ARHGAP20: variants seen among roughly 807,000 people sequenced by gnomAD.
The protein encoded by ARHGAP20 is rho GTPase-activating protein 20.
A neutral mutation model predicts 73.7 loss-of-function variants in ARHGAP20; 34 were observed. That is an observed-to-expected ratio of 0.46 (90% confidence interval 0.35 to 0.61). The LOEUF is 0.61. Among genes scored for constraint, ARHGAP20 ranks in the 20% least tolerant of loss-of-function variants. The probability of loss-of-function intolerance (pLI) is 0.00; values close to 1 mark genes in which losing one functional copy is unlikely to be tolerated. For synonymous variants in ARHGAP20, 523 were observed against 518.2 expected, an observed-to-expected ratio of 1.01 and a Z score of -0.13; for missense variants, 1,314 against 1,420.9, an observed-to-expected ratio of 0.92 and a Z score of 1.21.
At chr11:110,630,246 A>G (rs1948831419) in intron 3 of ARHGAP20, among the ~76,000 whole-genome samples, 1 of 152,078 alleles carries the variant, frequency 6.6e-6, no homozygotes, top group Non-Finnish European at 1.5e-5. Context: ...CCTAACATAT[A>G]TGCCATCTTT....
chr11:110,594,020 C>G (rs1013040186), intron 9 of ARHGAP20, among the ~76,000 whole-genome samples: 1 of 152,226 alleles, frequency 6.6e-6, no homozygotes, highest in Non-Finnish European at 1.5e-5. Context: ...TTAAAGGACA[C>G]AGTCAGCAGT....
Position 110,578,453 on chromosome 11 carries a change from G to A in ARHGAP20, c.*917C>T. 2.0e-6 allele frequency: 2 copies of A among 985,436 alleles called. No homozygotes were observed. The highest frequency in any genetic ancestry group is 2.4e-6 in the Non-Finnish European group (2 of 829,934). The allele number at this position is 985,436 out of a possible 1,614,324, so 61.0% of individuals were successfully genotyped here. ...AAACATTTCAGCAAAGTGATGCCAT[G>A]GTTTGATCACATTTTAACAGCATTT... On this transcript the variant is annotated 3_prime_UTR_variant, in exon 15 of 15. Transcript: ENST00000683387.
Position 110,578,901 on chromosome 11 carries a change from A to G in ARHGAP20, c.*469T>C. On this transcript the variant is annotated 3_prime_UTR_variant, in exon 15 of 15. Transcript: ENST00000683387. ...TATATGATGTTCTTCATTACTGGAC[A>G]CACTTAATGCTTTGATTAGTGGCAT... is the stretch of plus-strand genomic sequence containing the variant. 1 of 986,194 alleles carries G rather than the reference A, an allele frequency of 1.0e-6. No individual in the cohort carries two copies. Among genetic ancestry groups the G allele is most frequent in the Non-Finnish European group, 1.2e-6 (1 of 830,452 alleles). 61.1% of individuals were successfully genotyped at this position (986,194 alleles called of 1,614,324 possible).
At chr11:110,610,337 T>C (rs1050085126) in intron 7 of ARHGAP20, among the ~76,000 whole-genome samples, 5 of 152,210 alleles carry the variant, frequency 3.3e-5, no homozygotes, top group African/African-American at 1.2e-4. Context: ...GTCTTAAATA[T>C]GTGTCATGAA....
In ARHGAP20 at chr11:110,580,920, C is replaced by A. The variant is rs374808167; in HGVS notation, c.2026G>T (p.Ala676Ser). The A allele has an allele frequency of 6.2e-7, 1 of 1,613,692 alleles. No individual in the cohort carries two copies. Among genetic ancestry groups the A allele is most frequent in the African/African-American group, 1.3e-5 (1 of 74,878 alleles). Residue 676 changes from alanine to serine, a missense_variant, in exon 15 of 15, where the codon GCC becomes TCC. By Grantham distance (99) the Ala-to-Ser change is moderately conservative. This residue lies in a region of ARHGAP20 where 641 missense variants were observed against 636.9 expected (regional missense o/e 1.01). Coordinates refer to ENST00000683387, the MANE Select transcript of ARHGAP20 (RefSeq NM_001384657.1). ...CTGGGTGTGCACATGGCAGATGGGG[C>A]CCTGGCATGATCCCGCAGTGGGATC... ...TKIPLRDHAR[A>S]PSAMCTPSYL...
At chr11:110,586,494 C>CT (rs1947670554) in intron 11 of ARHGAP20, among the ~76,000 whole-genome samples, 169 bp from the exon 12 acceptor site, 1 of 152,150 alleles carries the variant, frequency 6.6e-6, no homozygotes, top group Non-Finnish European at 1.5e-5. Context: ...GAAACATGTA[C>CT]TTTGATTTTC....
chr11:110,674,084 G>T (rs1591165150), intron 2 of ARHGAP20, among the ~76,000 whole-genome samples: 2 of 152,024 alleles, frequency 1.3e-5, no homozygotes, highest in South Asian at 4.2e-4. Flanking sequence ...GATTACAGGT[G>T]TGTGTCACCA....
intron 8 of ARHGAP20, 145 bp from the exon 9 acceptor site, chr11:110,606,894 CT>C: frequency 1.4e-6 from 1 of 696,956 alleles, no homozygotes; most frequent in Non-Finnish European, 2.1e-6. Flanking sequence ...CATTTACACT[CT>C]TACAGTTGGA....
intron 2 of ARHGAP20, among the ~76,000 whole-genome samples, chr11:110,685,911 T>C (rs762039842): frequency 2.0e-5 from 3 of 152,016 alleles, no homozygotes; most frequent in Non-Finnish European, 4.4e-5. Flanking sequence ...TTTCAAGAGA[T>C]AGAAACGATT....
intron 2 of ARHGAP20, among the ~76,000 whole-genome samples, chr11:110,648,222 T>TATGTAA (rs1555094936): frequency 3.6e-5 from 1 of 27,724 alleles, no homozygotes; most frequent in Non-Finnish European, 6.0e-5. Flanking sequence ...TATATATATG[T>TATGTAA]ATATATATAT....
intron 9 of ARHGAP20, among the ~76,000 whole-genome samples, chr11:110,606,029 C>T (rs567760224): frequency 5.3e-5 from 8 of 152,280 alleles, no homozygotes; most frequent in African/African-American, 1.9e-4. Flanking sequence ...TTTATCATTC[C>T]AGAGTCTTTA....
At chr11:110,583,765 C>A in intron 12 of ARHGAP20, 28 bp from the exon 13 acceptor site, 4 of 1,487,794 alleles carry the variant, frequency 2.7e-6, no homozygotes, top group Non-Finnish European at 3.6e-6. Context: ...ACTCTTTAAG[C>A]AAGACATTTC....
chr11:110,658,412 C>A (rs964052838), intron 2 of ARHGAP20, among the ~76,000 whole-genome samples: 1 of 152,130 alleles, frequency 6.6e-6, no homozygotes, highest in Non-Finnish European at 1.5e-5. Flanking sequence ...GAGAATAATT[C>A]TCTTCTTCCT....
intron 2 of ARHGAP20, among the ~76,000 whole-genome samples, chr11:110,678,013 T>G (rs1309397053): frequency 6.6e-6 from 1 of 152,230 alleles, no homozygotes; most frequent in African/African-American, 2.4e-5. Flanking sequence ...AAATGTGGTA[T>G]ACCTATCTAT....
chr11:110,701,276 T>C (rs1166051786), intron 1 of ARHGAP20, among the ~76,000 whole-genome samples: 1 of 150,808 alleles, frequency 6.6e-6, no homozygotes, highest in African/African-American at 2.4e-5. Context: ...ATGATTGCCA[T>C]TCTAACTGGT....
At chr11:110,617,863 T>C (rs1591318570) in intron 4 of ARHGAP20, among the ~76,000 whole-genome samples, 1 of 152,056 alleles carries the variant, frequency 6.6e-6, no homozygotes, top group South Asian at 2.1e-4. Flanking sequence ...GAGAAAGCAG[T>C]GTATCTTGGA....
intron 1 of ARHGAP20, among the ~76,000 whole-genome samples, chr11:110,700,283 T>C (rs939607131): frequency 6.6e-6 from 1 of 152,066 alleles, no homozygotes; most frequent in East Asian, 1.9e-4. Context: ...GAAGTCACTT[T>C]CAAGCATTTA....
At chr11:110,687,103 C>T (rs1251131295) in intron 2 of ARHGAP20, among the ~76,000 whole-genome samples, 1 of 148,828 alleles carries the variant, frequency 6.7e-6, no homozygotes, top group Non-Finnish European at 1.5e-5. Flanking sequence ...CACACACACA[C>T]ACATATATTT....
At chr11:110,598,281 T>G (rs898186265) in intron 9 of ARHGAP20, among the ~76,000 whole-genome samples, 1 of 152,088 alleles carries the variant, frequency 6.6e-6, no homozygotes, top group Admixed American at 6.5e-5. Context: ...CAATTCCAGT[T>G]CAGTCCTAGG....
Sources: gnomAD v4.1 joint callset for allele counts (sites outside exome capture counted in the v4.1 genomes callset) on GRCh38, gnomAD v4.1.1 for gene constraint, gnomAD v4.1.1 regional missense constraint, MANE v1.5 for transcripts, NCBI Gene and HGNC (gene_info 2026-07-23, HGNC 2026-07-21) for gene names.